ARHGAP10: variants seen among roughly 807,000 people sequenced by gnomAD.
The protein encoded by ARHGAP10 is Rho GTPase activating protein 10.
In ARHGAP10, 87 loss-of-function variants were observed where a neutral mutation model predicts 108.6. The observed-to-expected ratio is 0.80, with a 90% confidence interval of 0.67 to 0.96. ARHGAP10 has a LOEUF of 0.96. Among genes scored for constraint, ARHGAP10 ranks in the 40% least tolerant of loss-of-function variants. The pLI is 0.00. For missense variants in ARHGAP10, 939 were observed against 954.5 expected, an observed-to-expected ratio of 0.98 and a Z score of 0.21; for synonymous variants, 347 against 341.1, an observed-to-expected ratio of 1.02 and a Z score of -0.19.
intron 18 of ARHGAP10, among the ~76,000 whole-genome samples, chr4:148,013,796 G>C (rs920324925): frequency 3.3e-5 from 5 of 152,232 alleles, no homozygotes; most frequent in African/African-American, 1.2e-4. Context: ...TGATGAGTCA[G>C]TTAATTCTAA....
In ARHGAP10 at chr4:148,034,842, C is replaced by T. The variant is rs555231176; in HGVS notation, c.1867+11429C>T. On this transcript the variant is annotated intron_variant, in intron 19 of 22. Transcript: ENST00000336498. ...TAAGTATCTGAGTAGTTTTGGGTTCCCAAGAATAATAACACATGGCTGTTA... is the reference window on the plus strand; with the variant it reads ...TAAGTATCTGAGTAGTTTTGGGTTCTCAAGAATAATAACACATGGCTGTTA... Among the ~76,000 whole-genome samples, 329 of 152,156 alleles carry T rather than the reference C, an allele frequency of 2.2e-3. 3 individuals carry two copies. The highest frequency in any genetic ancestry group is 7.6e-3 in the African/African-American group (315 of 41,514).
chr4:147,743,910 A>T (rs1728800363), intron 1 of ARHGAP10, among the ~76,000 whole-genome samples: 1 of 152,212 alleles, frequency 6.6e-6, no homozygotes, highest in Non-Finnish European at 1.5e-5. Flanking sequence ...TGTGTTTGCT[A>T]GGCGTAGAAA....
chr4:147,834,197 T>C (rs916273203), intron 3 of ARHGAP10, among the ~76,000 whole-genome samples: 9 of 152,208 alleles, frequency 5.9e-5, no homozygotes, highest in Non-Finnish European at 1.3e-4. Flanking sequence ...AGGCTGGGAA[T>C]GGTGGCTTAC....
chr4:148,055,486 C>A (rs181823929), intron 20 of ARHGAP10, among the ~76,000 whole-genome samples: 1 of 152,138 alleles, frequency 6.6e-6, no homozygotes, highest in Non-Finnish European at 1.5e-5. Flanking sequence ...GTCAGGAGTT[C>A]GAGAGCAGCC....
chr4:147,995,945 C>T lies in ARHGAP10; in HGVS notation c.1717-27318C>T, dbSNP rs867686045. ...TGTCAGCCAGGATGGTCTCCATCTC[C>T]TGACCTCGTGATCCGCCTGCCTCAG... is the stretch of plus-strand genomic sequence containing the variant. On this transcript the variant is annotated intron_variant, in intron 18 of 22. Coordinates refer to ENST00000336498, the MANE Select transcript of ARHGAP10 (RefSeq NM_024605.4). Among the ~76,000 whole-genome samples, 4 of 152,242 alleles carry T rather than the reference C, an allele frequency of 2.6e-5. 1 individual carries two copies. The Middle Eastern group carries it at 0.01, about 388-fold the overall frequency.
chr4:147,903,429 A>G (rs1736333157), intron 10 of ARHGAP10, among the ~76,000 whole-genome samples: 1 of 152,220 alleles, frequency 6.6e-6, no homozygotes, highest in South Asian at 2.1e-4. Context: ...AGAATGCTGC[A>G]TTTGTTAGAA....
rs58014715 is a variant in ARHGAP10, at chr4:148,071,488, T to C, written c.2273-505T>C. Among the ~76,000 whole-genome samples, 1,397 of 152,256 alleles carry C rather than the reference T, an allele frequency of 9.2e-3. 26 individuals are homozygous for C. The highest frequency in any genetic ancestry group is 0.032 in the African/African-American group (1,335 of 41,544). On this transcript the variant is annotated intron_variant, in intron 22 of 22. Transcript: ENST00000336498. ...AAAATTAGCCAGGCATGGTGGTGCG[T>C]GCCTGTAATCCCAGCTACTCAGGAG...
At chr4:147,868,976 T>G (rs1734687629) in intron 7 of ARHGAP10, among the ~76,000 whole-genome samples, 1 of 152,160 alleles carries the variant, frequency 6.6e-6, no homozygotes, top group Admixed American at 6.5e-5. Context: ...TCCCCTCTGC[T>G]TACTGGCTAT....
rs755939515 is a variant in ARHGAP10, at chr4:147,864,826, C to A, written c.487-20C>A. 2 of 1,605,546 alleles carry A rather than the reference C, an allele frequency of 1.2e-6. No individual in the cohort carries two copies. Among genetic ancestry groups the A allele is most frequent in the Non-Finnish European group, 1.7e-6 (2 of 1,173,578 alleles). The stretch of plus-strand genomic sequence containing the variant: ...TTTTCACCATCTCCAGTTTGACTAA[C>A]CTCTGTGATTTTAACATAGGCAGAT... On this transcript the variant is annotated intron_variant, in intron 5 of 22. Transcript: ENST00000336498.
At position 147,875,169 on chromosome 4, in the gene ARHGAP10, G is replaced by C; in HGVS notation, c.832+19G>C. ...GAAAAAAGTAAGAGGCCCTCCAGCA[G>C]TGGCTGCGTGGCTGCTTAAAAATGC... On this transcript the variant is annotated intron_variant, in intron 8 of 22. Transcript: ENST00000336498. 1 of 1,537,602 alleles carries C rather than the reference G, an allele frequency of 6.5e-7. No individual in the cohort carries two copies. Among genetic ancestry groups the C allele is most frequent in the Non-Finnish European group, 8.7e-7 (1 of 1,148,532 alleles).
chr4:148,046,924 C>T lies in ARHGAP10; in HGVS notation c.1900C>T (p.Pro634Ser). ...DNPYPSKEDTPTSSLDSLSSP... is the reference protein window; with the variant it reads ...DNPYPSKEDTSTSSLDSLSSP... ...TCCTTACCCTTCCAAGGAGGACACCCCTACCAGCAGTCTGGACTCACTTTC... is the reference window on the plus strand; with the variant it reads ...TCCTTACCCTTCCAAGGAGGACACCTCTACCAGCAGTCTGGACTCACTTTC... Residue 634 changes from proline (P) to serine (S), a missense_variant, in exon 20 of 23, where the codon CCT becomes TCT. Physicochemically the swap from Pro to Ser is moderately conservative, Grantham distance 74 (BLOSUM62 -1). Transcript: ENST00000336498. The T allele has an allele frequency of 1.2e-6, 2 of 1,614,096 alleles. No individual in the cohort carries two copies. Among genetic ancestry groups the T allele is most frequent in the South Asian group, 1.1e-5 (1 of 91,070 alleles).
intron 1 of ARHGAP10, among the ~76,000 whole-genome samples, chr4:147,757,656 A>T (rs1344407258): frequency 2.0e-5 from 3 of 152,132 alleles, no homozygotes; most frequent in African/African-American, 7.2e-5. Flanking sequence ...ACATTGGCTT[A>T]CTCACGGGCC....
intron 10 of ARHGAP10, among the ~76,000 whole-genome samples, chr4:147,897,616 T>G (rs957862683): frequency 9.2e-5 from 14 of 152,216 alleles, no homozygotes; most frequent in African/African-American, 2.9e-4. Context: ...ATAAAGACCC[T>G]TAGAACAGTG....
At chr4:147,811,659 C>T (rs1428376765) in intron 1 of ARHGAP10, among the ~76,000 whole-genome samples, 2 of 151,358 alleles carry the variant, frequency 1.3e-5, no homozygotes, top group East Asian at 1.9e-4. Flanking sequence ...ACCTTCTAAA[C>T]AGCTGTTTTA....
chr4:148,024,271 G>C (rs1741684700), intron 19 of ARHGAP10, among the ~76,000 whole-genome samples: 1 of 152,218 alleles, frequency 6.6e-6, no homozygotes, highest in Non-Finnish European at 1.5e-5. Flanking sequence ...TTTGAAAGTA[G>C]TCTTCATTCT....
chr4:148,054,476 A>G (rs898684465), intron 20 of ARHGAP10, among the ~76,000 whole-genome samples: 1 of 152,206 alleles, frequency 6.6e-6, no homozygotes, highest in African/African-American at 2.4e-5. Flanking sequence ...CTTTCCTCTG[A>G]GAATGTAGTT....
At chr4:148,035,031 G>A (rs1292726064) in intron 19 of ARHGAP10, among the ~76,000 whole-genome samples, 4 of 152,164 alleles carry the variant, frequency 2.6e-5, no homozygotes, top group Non-Finnish European at 5.9e-5. Context: ...TTGAATTGCT[G>A]CAGATTTCCA....
intron 8 of ARHGAP10, among the ~76,000 whole-genome samples, chr4:147,877,128 A>G (rs942942014): frequency 1.2e-4 from 19 of 152,128 alleles, no homozygotes; most frequent in African/African-American, 4.6e-4. Flanking sequence ...GGGGCCAGAG[A>G]TTCTGATTTA....
chr4:148,052,323 T>C (rs1425645335), intron 20 of ARHGAP10, among the ~76,000 whole-genome samples: 1 of 145,094 alleles, frequency 6.9e-6, no homozygotes, highest in Non-Finnish European at 1.5e-5. Context: ...GAAGTTGGTA[T>C]CTTAATCTGA....
Sources: gnomAD v4.1 joint callset for allele counts (sites outside exome capture counted in the v4.1 genomes callset) on GRCh38, gnomAD v4.1.1 for gene constraint, MANE v1.5 for transcripts, NCBI Gene and HGNC (gene_info 2026-07-23, HGNC 2026-07-21) for gene names.